The following EDIL3 variants were observed in gnomAD, a reference collection of about 807,000 sequenced individuals.
The protein encoded by EDIL3 is EGF-like repeat and discoidin I-like domain-containing protein 3.
In EDIL3, 37 loss-of-function variants were observed where a neutral mutation model predicts 67.4. The ratio of observed to expected loss-of-function variants is 0.55; its 90% confidence interval spans 0.42 to 0.72. The LOEUF is 0.72. Among genes scored for constraint, EDIL3 ranks in the 30% least tolerant of loss-of-function variants. EDIL3 has a pLI of 0.00. For missense variants in EDIL3, 527 were observed against 586.3 expected (o/e 0.90, Z 1.04); for synonymous variants, 195 against 196.3 (o/e 0.99, Z 0.05).
At chr5:84,032,107 C>T (rs537139800) in intron 9 of EDIL3, among the ~76,000 whole-genome samples, 1 of 152,310 alleles carries the variant, frequency 6.6e-6, no homozygotes, top group South Asian at 2.1e-4. Context: ...GAATTAAACA[C>T]AACTCTGTTT....
intron 1 of EDIL3, among the ~76,000 whole-genome samples, chr5:84,367,665 C>A (rs147670170): frequency 6.6e-6 from 1 of 152,182 alleles, no homozygotes; most frequent in East Asian, 1.9e-4. Flanking sequence ...TGCCTATAAT[C>A]TGAGCTACTT....
intron 9 of EDIL3, among the ~76,000 whole-genome samples, chr5:83,967,910 T>C (rs1744725588): frequency 1.3e-5 from 2 of 152,170 alleles, no homozygotes; most frequent in East Asian, 3.9e-4. Flanking sequence ...TGTGCCTTCA[T>C]ATCATTTATT....
chr5:84,174,689 C>T (rs1337211495), intron 4 of EDIL3, among the ~76,000 whole-genome samples: 1 of 152,112 alleles, frequency 6.6e-6, no homozygotes, highest in East Asian at 1.9e-4. Flanking sequence ...CAGACTGTGG[C>T]CTCTCTCTAG....
chr5:84,279,033 T>C (rs147392722), intron 1 of EDIL3, among the ~76,000 whole-genome samples: 47 of 152,308 alleles, frequency 3.1e-4, no homozygotes, highest in Non-Finnish European at 4.9e-4. Flanking sequence ...TCCTTTCCAT[T>C]CTTAAATTAG....
At chr5:84,308,785 T>C (rs73144517) in intron 1 of EDIL3, among the ~76,000 whole-genome samples, 425 of 152,330 alleles carry the variant, frequency 2.8e-3, no homozygotes, top group African/African-American at 1.0e-2. Context: ...GATCAATTGG[T>C]CTGATACATA....
chr5:84,069,171 G>T (rs1042607407), intron 6 of EDIL3, among the ~76,000 whole-genome samples: 3 of 152,152 alleles, frequency 2.0e-5, no homozygotes. Flanking sequence ...TTATGTATCT[G>T]ATTTCAGAGA....
intron 4 of EDIL3, among the ~76,000 whole-genome samples, chr5:84,169,148 T>C (rs1357493483): frequency 6.6e-6 from 1 of 152,054 alleles, no homozygotes; most frequent in Non-Finnish European, 1.5e-5. Context: ...GCCCCTTTGT[T>C]CCATAATCTC....
intron 9 of EDIL3, among the ~76,000 whole-genome samples, chr5:84,009,007 C>G (rs1399492863): frequency 6.6e-6 from 1 of 152,032 alleles, no homozygotes; most frequent in Non-Finnish European, 1.5e-5. Flanking sequence ...AGATGGGAGT[C>G]TCACTATGTT....
chr5:84,309,697 T>C (rs1410567601), intron 1 of EDIL3, among the ~76,000 whole-genome samples: 1 of 152,182 alleles, frequency 6.6e-6, no homozygotes, highest in Non-Finnish European at 1.5e-5. Context: ...GGCTGCATAG[T>C]ATTCCATGGT....
intron 4 of EDIL3, among the ~76,000 whole-genome samples, chr5:84,155,153 T>A (rs1748468397): frequency 6.6e-6 from 1 of 152,164 alleles, no homozygotes; most frequent in African/African-American, 2.4e-5. Flanking sequence ...CAATAAAACA[T>A]CTTTAGGTAA....
At chr5:84,305,672 G>A (rs911788878) in intron 1 of EDIL3, among the ~76,000 whole-genome samples, 1 of 152,180 alleles carries the variant, frequency 6.6e-6, no homozygotes, top group Non-Finnish European at 1.5e-5. Flanking sequence ...AAGATCAGGA[G>A]ACGGAAACCA....
chr5:84,290,373 C>T (rs1311493975), intron 1 of EDIL3, among the ~76,000 whole-genome samples: 2 of 152,268 alleles, frequency 1.3e-5, no homozygotes, highest in Admixed American at 1.3e-4. Context: ...TCTTCTTGCA[C>T]ATCAATCTCC....
intron 5 of EDIL3, among the ~76,000 whole-genome samples, chr5:84,125,242 C>A (rs1460489689): frequency 1.3e-5 from 2 of 151,898 alleles, no homozygotes; most frequent in Non-Finnish European, 2.9e-5. Context: ...ATCAAAAATA[C>A]CAGACAAATG....
At position 84,067,192 on chromosome 5, in the gene EDIL3, C is replaced by A. The variant is rs73769718; in HGVS notation, c.652-586G>T. Among the ~76,000 whole-genome samples the A allele has an allele frequency of 6.7e-3, 1,027 of 152,172 alleles. 15 individuals carry two copies. The highest frequency in any genetic ancestry group is 0.024 in the African/African-American group (995 of 41,544). On this transcript the variant is annotated intron_variant, in intron 6 of 10. Coordinates refer to ENST00000296591, the MANE Select transcript of EDIL3 (RefSeq NM_005711.5). ...ATTTTTTAAAAAAATTAAATGATTG[C>A]TTTTTTCTTCATTTTATTATAAGTA... is the stretch of plus-strand genomic sequence containing the variant.
At chr5:84,212,197 G>T (rs113011582) in intron 3 of EDIL3, among the ~76,000 whole-genome samples, 63 of 152,182 alleles carry the variant, frequency 4.1e-4, no homozygotes, top group African/African-American at 1.4e-3. Context: ...ATGAACTAAG[G>T]AAAGGATCTT....
intron 1 of EDIL3, among the ~76,000 whole-genome samples, chr5:84,343,947 G>C (rs569572613): frequency 6.6e-6 from 1 of 152,208 alleles, no homozygotes; most frequent in South Asian, 2.1e-4. Context: ...TTCCCATTAG[G>C]ATTTTGACAT....
At chr5:84,360,979 T>C (rs904623612) in intron 1 of EDIL3, among the ~76,000 whole-genome samples, 1 of 152,052 alleles carries the variant, frequency 6.6e-6, no homozygotes, top group Non-Finnish European at 1.5e-5. Flanking sequence ...CTAGACACCA[T>C]ATAACATATT....
intron 9 of EDIL3, among the ~76,000 whole-genome samples, chr5:84,011,177 T>C (rs893090906): frequency 2.0e-5 from 3 of 152,168 alleles, no homozygotes; most frequent in African/African-American, 7.2e-5. Flanking sequence ...TCTGTGTCTT[T>C]ACACATTTTT....
chr5:84,299,745 T>A (rs909473916), intron 1 of EDIL3, among the ~76,000 whole-genome samples: 1 of 152,346 alleles, frequency 6.6e-6, no homozygotes, highest in Non-Finnish European at 1.5e-5. Context: ...GACCTTTGTA[T>A]GTATGTACAT....
Sources: gnomAD v4.1 joint callset for allele counts (sites outside exome capture counted in the v4.1 genomes callset) on GRCh38, gnomAD v4.1.1 for gene constraint, MANE v1.5 for transcripts, NCBI Gene and HGNC (gene_info 2026-07-23, HGNC 2026-07-21) for gene names.